The following PRR5 variants were observed in gnomAD, a reference collection of about 807,000 sequenced individuals.
The protein encoded by PRR5 is proline rich 5, also known as proline-rich protein 5.
A neutral mutation model predicts 30.6 loss-of-function variants in PRR5; 25 were observed. The ratio of observed to expected loss-of-function variants is 0.82; its 90% CI spans 0.60 to 1.14. The LOEUF (loss-of-function observed/expected upper bound fraction) is 1.14, where lower values mean the gene tolerates loss of function less well. PRR5 is among the 50% of genes most tolerant of loss of function. PRR5 has a pLI of 0.00. For synonymous variants in PRR5, 286 were observed against 247.1 expected (o/e 1.16, Z -1.48); for missense variants, 600 against 547.1 (o/e 1.10, Z -0.96).
intron 7 of PRR5, 141 bp downstream of exon 7, chr22:44,735,303 C>A: frequency 2.4e-6 from 3 of 1,267,256 alleles, no homozygotes; most frequent in Non-Finnish European, 3.2e-6. Flanking sequence ...CAGCCCCCAG[C>A]CTGCCATATG....
chr22:44,706,246 CATTG>C lies in PRR5; in HGVS notation c.134+3654_134+3657del, dbSNP rs202019365. 1.5e-4 allele frequency among the ~76,000 whole-genome samples: 23 copies of C among 152,318 alleles called. No homozygotes were observed. In the East Asian group the frequency reaches 3.9e-3, roughly 26 times the overall value. On this transcript the variant is annotated intron_variant, in intron 1 of 7. Coordinates refer to ENST00000336985, the MANE Select transcript of PRR5 (RefSeq NM_181333.4). ...GCTTGCTCTGTCATGAGAACTGAGT[CATTG>C]ATTGATTGATTGATTCATTCATTCA... is the stretch of plus-strand genomic sequence containing the variant.
chr22:44,705,787 G>C (rs1448885767), intron 1 of PRR5, among the ~76,000 whole-genome samples: 1 of 151,588 alleles, frequency 6.6e-6, no homozygotes, highest in African/African-American at 2.4e-5. Flanking sequence ...ACCATGCCCA[G>C]CTAATTTTTG....
At chr22:44,679,319 A>G (rs911047710) in intron 1 of PRR5, 2 of 152,494 alleles carry the variant, frequency 1.3e-5, no homozygotes, top group African/African-American at 2.4e-5. Flanking sequence ...TTCTTCTTCC[A>G]TCCTTTTTGT....
At chr22:44,676,229 CA>C (rs200975981), upstream of PRR5, among the ~76,000 whole-genome samples, 1 of 150,032 alleles carries the variant, frequency 6.7e-6, no homozygotes, top group Non-Finnish European at 1.5e-5. Context: ...ATTAAAAGTA[CA>C]AAAAAAATGA....
intron 1 of PRR5, among the ~76,000 whole-genome samples, chr22:44,696,046 C>T (rs1207486590): frequency 6.6e-6 from 1 of 150,534 alleles, no homozygotes; most frequent in Non-Finnish European, 1.5e-5. Flanking sequence ...GCCTCAGCCT[C>T]CTGAGTAGCT....
intron 4 of PRR5, chr22:44,730,986 G>A: frequency 2.3e-6 from 1 of 428,230 alleles, no homozygotes; most frequent in East Asian, 7.8e-5. Context: ...CCAGTGCCCA[G>A]CATCAGCGCC....
At chr22:44,729,998 C>T (rs1921647550) in intron 4 of PRR5, 1 of 985,442 alleles carries the variant, frequency 1.0e-6, no homozygotes, top group Non-Finnish European at 1.2e-6. Context: ...TGGCCCCCAT[C>T]ACCCTCAGAG....
upstream of PRR5, among the ~76,000 whole-genome samples, chr22:44,674,760 C>A (rs980263627): frequency 1.3e-5 from 2 of 151,422 alleles, no homozygotes; most frequent in African/African-American, 4.9e-5. Flanking sequence ...GCCTGGCCAA[C>A]ATGGTGAAAC....
rs773961628 is a variant in PRR5 at position 44,731,722 on chromosome 22, GC to G, written c.323-5del. ...CAGGCCCAGTGGTGATGGCCCCCAT[GC>G]CCACAGGACAGAAGCTGCTGGACTC... is the stretch of plus-strand genomic sequence containing the variant. On this transcript the variant is annotated splice_region_variant and splice_polypyrimidine_tract_variant and intron_variant, in intron 4 of 7. Transcript: ENST00000336985. 6.2e-7 allele frequency: 1 copy of G among 1,613,576 alleles called. No homozygotes were observed. The highest frequency in any genetic ancestry group is 1.1e-5 in the South Asian group (1 of 91,088).
At chr22:44,722,982 ACTTTT>A (rs1414983762) in intron 2 of PRR5, among the ~76,000 whole-genome samples, 1 of 142,024 alleles carries the variant, frequency 7.0e-6, no homozygotes, top group Non-Finnish European at 1.5e-5. Context: ...ATCTTTAAAA[ACTTTT>A]CTTTTTTTTT....
intron 1 of PRR5, among the ~76,000 whole-genome samples, chr22:44,694,210 C>T (rs1925546440): frequency 6.6e-6 from 1 of 152,032 alleles, no homozygotes; most frequent in Non-Finnish European, 1.5e-5. Flanking sequence ...CCATCCCCTG[C>T]CTCCACACTC....
chr22:44,727,418 G>A (rs773600383), intron 4 of PRR5, among the ~76,000 whole-genome samples: 1 of 152,216 alleles, frequency 6.6e-6, no homozygotes, highest in Non-Finnish European at 1.5e-5. Flanking sequence ...CGCTGTACCC[G>A]TGTGTTGAGC....
At chr22:44,685,015 G>A (rs1328743162) in intron 1 of PRR5, among the ~76,000 whole-genome samples, 3 of 152,208 alleles carry the variant, frequency 2.0e-5, no homozygotes, top group African/African-American at 7.2e-5. Flanking sequence ...ACCGTGGGAA[G>A]CGTGTAGCTC....
At chr22:44,727,155 CAGGGGTG>C (rs1920992181) in intron 4 of PRR5, among the ~76,000 whole-genome samples, 1 of 149,310 alleles carries the variant, frequency 6.7e-6, no homozygotes, top group African/African-American at 2.5e-5. Flanking sequence ...CAGTGCACAT[CAGGGGTG>C]GGGGCGGGAC....
At chr22:44,734,428 A>C (rs116863269) in intron 6 of PRR5, 2,680 of 152,662 alleles carry the variant, frequency 0.018, 48 homozygotes, top group Non-Finnish European at 0.026. Flanking sequence ...GAGGTCCCAG[A>C]GCTTTTGTCC....
intron 1 of PRR5, among the ~76,000 whole-genome samples, chr22:44,710,450 G>A (rs948757789): frequency 6.6e-6 from 1 of 152,184 alleles, no homozygotes; most frequent in African/African-American, 2.4e-5. Context: ...GGAGGTCATG[G>A]GCCGTTTCCA....
intron 4 of PRR5, chr22:44,730,994 G>A (rs571121682): frequency 2.6e-5 from 11 of 418,054 alleles, no homozygotes; most frequent in African/African-American, 4.1e-5. Context: ...CAGCATCAGC[G>A]CCAGCACACA....
At chr22:44,725,166 C>T in intron 2 of PRR5, 78 bp from the exon 3 acceptor site, 1 of 1,589,640 alleles carries the variant, frequency 6.3e-7, no homozygotes, top group South Asian at 1.1e-5. Context: ...GCCCAGGAGG[C>T]CCCACCCCAG....
At chr22:44,736,652 G>C in intron 7 of PRR5, 120 bp from the exon 8 acceptor site, 2 of 1,452,348 alleles carry the variant, frequency 1.4e-6, no homozygotes, top group Non-Finnish European at 1.8e-6. Flanking sequence ...CCGGGCCCCG[G>C]GTCGGGCCTT....
Sources: gnomAD v4.1 joint callset for allele counts (sites outside exome capture counted in the v4.1 genomes callset) on GRCh38, gnomAD v4.1.1 for gene constraint, MANE v1.5 for transcripts, NCBI Gene and HGNC (gene_info 2026-07-23, HGNC 2026-07-21) for gene names.